The following C1orf21 variants were observed in gnomAD, a reference collection of about 807,000 sequenced individuals.
C1orf21 encodes the protein chromosome 1 open reading frame 21, also known as uncharacterized protein C1orf21.
A neutral mutation model predicts 18.7 loss-of-function variants in C1orf21; 3 were observed. The ratio of observed to expected loss-of-function variants is 0.16; its 90% CI spans 0.07 to 0.42. C1orf21 has a LOEUF of 0.42. Among genes scored for constraint, C1orf21 ranks in the 10% least tolerant of loss-of-function variants. The pLI is 0.99. For missense variants in C1orf21, 104 were observed against 143.6 expected, an observed-to-expected ratio of 0.72 and a Z score of 1.41; for synonymous variants, 41 against 46.4, an observed-to-expected ratio of 0.88 and a Z score of 0.47.
In C1orf21 at chr1:184,495,325, C is replaced by T. The variant is rs111329410; in HGVS notation, c.95-12263C>T. Among the ~76,000 whole-genome samples, 189 of 152,294 alleles carry T rather than the reference C, an allele frequency of 1.2e-3. 2 individuals carry two copies. The highest frequency in any genetic ancestry group is 4.5e-3 in the African/African-American group (186 of 41,554). On this transcript the variant is annotated intron_variant, in intron 2 of 5. Transcript: ENST00000235307. ...CTGAGCTTTGATCCCTGTTCCCATCCTCTTCACTTGTACCCACCATCCCAG... is the reference window on the plus strand; with the variant it reads ...CTGAGCTTTGATCCCTGTTCCCATCTTCTTCACTTGTACCCACCATCCCAG...
intron 5 of C1orf21, among the ~76,000 whole-genome samples, chr1:184,616,726 C>CGT (rs55938251): frequency 0.14 from 21,556 of 150,464 alleles, 1,710 homozygotes; most frequent in African/African-American, 0.2. Context: ...GTTGTGTGCA[C>CGT]GTGTGTGTGT....
chr1:184,406,397 AG>A (rs1448650800), intron 1 of C1orf21, among the ~76,000 whole-genome samples: 1 of 152,206 alleles, frequency 6.6e-6, no homozygotes, highest in Non-Finnish European at 1.5e-5. Context: ...TTTTAAGAGA[AG>A]GAAAAAAAAC....
At chr1:184,552,376 A>G (rs1248389662) in intron 3 of C1orf21, among the ~76,000 whole-genome samples, 1 of 152,210 alleles carries the variant, frequency 6.6e-6, no homozygotes, top group Non-Finnish European at 1.5e-5. Context: ...GAAATTGGCA[A>G]CTTTTTTGTA....
intron 1 of C1orf21, among the ~76,000 whole-genome samples, chr1:184,392,655 G>A (rs1655989397): frequency 6.6e-6 from 1 of 152,084 alleles, no homozygotes; most frequent in Non-Finnish European, 1.5e-5. Flanking sequence ...AGCCCACTCA[G>A]GCTCCCAGCA....
At chr1:184,406,385 T>C (rs1168029528) in intron 1 of C1orf21, among the ~76,000 whole-genome samples, 1 of 152,136 alleles carries the variant, frequency 6.6e-6, no homozygotes, top group East Asian at 1.9e-4. Flanking sequence ...GGAGTAATAC[T>C]CTTTTAAGAG....
At chr1:184,616,666 G>A (rs1358049006) in intron 5 of C1orf21, among the ~76,000 whole-genome samples, 3 of 152,058 alleles carry the variant, frequency 2.0e-5, no homozygotes, top group Non-Finnish European at 2.9e-5. Context: ...ATGCATGTGT[G>A]TGCATGTGTG....
At chr1:184,567,513 C>T in intron 3 of C1orf21, 1 of 532,494 alleles carries the variant, frequency 1.9e-6, no homozygotes, top group South Asian at 1.4e-5. Flanking sequence ...GCAGTGAACT[C>T]TAACACCATC....
At chr1:184,597,666 A>T (rs914816016) in intron 4 of C1orf21, among the ~76,000 whole-genome samples, 5 of 151,992 alleles carry the variant, frequency 3.3e-5, no homozygotes, top group African/African-American at 1.2e-4. Context: ...GCCCATTAAG[A>T]CTAAGTCCTA....
chr1:184,580,774 A>G (rs1415832824), intron 3 of C1orf21, among the ~76,000 whole-genome samples: 1 of 152,234 alleles, frequency 6.6e-6, no homozygotes, highest in African/African-American at 2.4e-5. Context: ...TCAAACTGAT[A>G]TCTTATCCTT....
chr1:184,458,133 GT>G (rs1657249317), intron 1 of C1orf21, among the ~76,000 whole-genome samples: 1 of 152,110 alleles, frequency 6.6e-6, no homozygotes, highest in African/African-American at 2.4e-5. Context: ...CGCCTGACCC[GT>G]TCTGGCTCTG....
intron 3 of C1orf21, among the ~76,000 whole-genome samples, chr1:184,580,491 C>A (rs1659260724): frequency 6.6e-6 from 1 of 152,208 alleles, no homozygotes; most frequent in African/African-American, 2.4e-5. Context: ...ATCATTGGTC[C>A]TCCTCAAATA....
At position 184,507,626 on chromosome 1, in the gene C1orf21, A is replaced by C. The variant is rs1381278171; in HGVS notation, c.133A>C (p.Met45Leu). 1 of 1,607,516 alleles carries C rather than the reference A, an allele frequency of 6.2e-7. No homozygotes were observed. The highest frequency in any genetic ancestry group is 1.1e-5 in the South Asian group (1 of 89,694). ...RIKPVEEVKYMKNGAEEEQKI... is the reference protein window; with the variant it reads ...RIKPVEEVKYLKNGAEEEQKI... ...CAAACCAGTGGAAGAGGTCAAATAC[A>C]TGAAAAATGGGGCAGAAGAAGAGCA... The change falls in exon 3 of 6, where the codon ATG (methionine) becomes CTG (leucine). Residue 45 changes from methionine to leucine, a missense_variant. Physicochemically the swap from Met to Leu is conservative, Grantham distance 15. Transcript: ENST00000235307.
intron 1 of C1orf21, among the ~76,000 whole-genome samples, chr1:184,442,501 G>A (rs1468966605): frequency 6.6e-6 from 1 of 152,148 alleles, no homozygotes; most frequent in Non-Finnish European, 1.5e-5. Context: ...CCTCCCTTTG[G>A]TTGGCATGTT....
chr1:184,402,339 C>G (rs1656170041), intron 1 of C1orf21, among the ~76,000 whole-genome samples: 1 of 150,178 alleles, frequency 6.7e-6, no homozygotes, highest in Admixed American at 6.6e-5. Context: ...ATTTTTGCAA[C>G]ATGGCTATCT....
chr1:184,505,318 T>TATATAC (rs1254129947), intron 2 of C1orf21, among the ~76,000 whole-genome samples: 4 of 129,008 alleles, frequency 3.1e-5, no homozygotes, highest in Non-Finnish European at 6.2e-5. Context: ...TATATATATA[T>TATATAC]ATATATATAT....
intron 1 of C1orf21, among the ~76,000 whole-genome samples, chr1:184,459,355 A>T (rs1179298710): frequency 6.6e-6 from 1 of 152,266 alleles, no homozygotes; most frequent in Admixed American, 6.5e-5. Context: ...AACAAAGAGT[A>T]CAAGTTGTTA....
chr1:184,394,153 A>G (rs1315809848), intron 1 of C1orf21, among the ~76,000 whole-genome samples: 2 of 152,250 alleles, frequency 1.3e-5, no homozygotes, highest in African/African-American at 2.4e-5. Flanking sequence ...CTTCAAAAGT[A>G]GATCCAACAT....
At chr1:184,566,149 G>A (rs963157667) in intron 3 of C1orf21, among the ~76,000 whole-genome samples, 1 of 152,216 alleles carries the variant, frequency 6.6e-6, no homozygotes, top group South Asian at 2.1e-4. Flanking sequence ...GATAGGAGTC[G>A]AGGTGCCCAG....
intron 1 of C1orf21, among the ~76,000 whole-genome samples, chr1:184,455,191 A>G (rs1354769063): frequency 6.6e-6 from 1 of 152,164 alleles, no homozygotes; most frequent in South Asian, 2.1e-4. Context: ...TGCTGTTCCA[A>G]CTATCAAAAA....
Sources: gnomAD v4.1 joint callset for allele counts (sites outside exome capture counted in the v4.1 genomes callset) on GRCh38, gnomAD v4.1.1 for gene constraint, MANE v1.5 for transcripts, NCBI Gene and HGNC (gene_info 2026-07-23, HGNC 2026-07-21) for gene names.